RBM6: variants seen among roughly 807,000 people sequenced by gnomAD.
RBM6 encodes RNA-binding protein 6.
Under a neutral mutation model 140.4 loss-of-function variants are expected in RBM6, and 23 were observed. The ratio of observed to expected loss-of-function variants is 0.16; its 90% confidence interval spans 0.12 to 0.23. RBM6 has a LOEUF of 0.23. Ranked by LOEUF, RBM6 falls within the 10% of genes least tolerant of loss-of-function variation. The pLI is 1.00. For synonymous variants in RBM6, 439 were observed against 475.6 expected (o/e 0.92, Z 1.00); for missense variants, 1,139 against 1,386.7 (o/e 0.82, Z 2.84).
At chr3:49,973,853 T>C (rs2084919525) in intron 4 of RBM6, among the ~76,000 whole-genome samples, 1 of 151,750 alleles carries the variant, frequency 6.6e-6, no homozygotes, top group African/African-American at 2.4e-5. Context: ...CTCAAAGTGC[T>C]GAGATTACAC....
chr3:50,047,215 A>G (rs1200619570), intron 6 of RBM6: 7 of 985,012 alleles, frequency 7.1e-6, no homozygotes, highest in Admixed American at 6.2e-5. Flanking sequence ...CTGAGGTCCA[A>G]TTGCAAAGAA....
chr3:50,046,005 G>A (rs1316366315), intron 6 of RBM6, among the ~76,000 whole-genome samples: 2 of 152,034 alleles, frequency 1.3e-5, no homozygotes, highest in African/African-American at 2.4e-5. Context: ...ATCTTAGGCC[G>A]GACACAGTGG....
intron 6 of RBM6, among the ~76,000 whole-genome samples, chr3:50,011,839 C>CTTTTTTTTTT (rs201167549): frequency 2.8e-5 from 4 of 143,688 alleles, no homozygotes; most frequent in Non-Finnish European, 6.1e-5. Context: ...TCTTTTCTTT[C>CTTTTTTTTTT]TTTTTTTTTT....
At chr3:49,977,502 G>C (rs2085110984) in intron 5 of RBM6, among the ~76,000 whole-genome samples, 1 of 152,074 alleles carries the variant, frequency 6.6e-6, no homozygotes, top group Non-Finnish European at 1.5e-5. Flanking sequence ...GATTGAATCT[G>C]TCAGTGGTAT....
In RBM6 at chr3:50,057,964, T is replaced by C. The variant is rs761621526; in HGVS notation, c.1930T>C (p.Ser644Pro). 8 of 1,613,708 alleles carry C rather than the reference T, an allele frequency of 5.0e-6. No homozygotes were observed. The highest frequency in any genetic ancestry group is 1.3e-5 in the African/African-American group (1 of 74,832). The change falls in exon 9 of 21, where the codon TCA (serine) becomes CCA (proline). Residue 644 changes from serine (S) to proline (P), a missense_variant. Physicochemically the swap from Ser to Pro is moderately conservative, Grantham distance 74 (BLOSUM62 -1). Transcript: ENST00000266022. ...PTFRRDRERESWSGETRQDGE... is the reference protein window; with the variant it reads ...PTFRRDREREPWSGETRQDGE... ...TTTCCGAAGAGACCGAGAGAGGGAG[T>C]CATGGTCTGGAGAGACACGCCAGGA...
chr3:50,060,138 G>C (rs2089876930), intron 11 of RBM6, among the ~76,000 whole-genome samples: 1 of 152,030 alleles, frequency 6.6e-6, no homozygotes, highest in Admixed American at 6.6e-5. Flanking sequence ...TCTACCCTGG[G>C]CAACACAGCA....
Position 50,061,560 on chromosome 3 carries a change from CTTTTTTTTTTTT to C in RBM6, c.2439+26_2439+37del. ...CCCCAATACCCAGGTGAGTTTGGGG[CTTTTTTTTTTTT>C]TTTTTTTTTTTTACCTCTGTCAATG... is the stretch of plus-strand genomic sequence containing the variant. On this transcript the variant is annotated intron_variant, in intron 14 of 20. Transcript: ENST00000266022. 2 of 1,268,036 alleles carry C rather than the reference CTTTTTTTTTTTT, an allele frequency of 1.6e-6. No individual in the cohort carries two copies. Among genetic ancestry groups the C allele is most frequent in the Non-Finnish European group, 2.0e-6 (2 of 1,020,730 alleles). The allele number at this position is 1,268,036 out of a possible 1,614,324, so 78.5% of individuals were successfully genotyped here. A position where few individuals can be genotyped will look rare whatever the true frequency, so the allele number is the denominator to read the frequency against.
chr3:50,000,396 A>G (rs1243776802), intron 6 of RBM6, among the ~76,000 whole-genome samples: 1 of 145,110 alleles, frequency 6.9e-6, no homozygotes, highest in Non-Finnish European at 1.5e-5. Context: ...CAGTGTGAAT[A>G]CAGTGGGCCC....
chr3:50,044,301 A>C (rs1011342472), intron 6 of RBM6, among the ~76,000 whole-genome samples: 3 of 152,102 alleles, frequency 2.0e-5, no homozygotes, highest in African/African-American at 7.2e-5. Flanking sequence ...ATGTGTGAAG[A>C]TACTCTAATA....
Position 50,075,219 on chromosome 3 carries a change from T to C in RBM6, c.3135T>C (p.Asp1045=). ...RETDSDRKLV[D]KEDIDTSSKG... ...TTTGCAGTGATCGTAAACTTGTTGA[T>C]AAAGAAGATATCGACACTAGCAGCA... Residue 1045 remains aspartate, a synonymous_variant, in exon 20 of 21, where the codon GAT becomes GAC. Transcript: ENST00000266022. 1.9e-6 allele frequency: 3 copies of C among 1,613,296 alleles called. No homozygotes were observed. The highest frequency in any genetic ancestry group is 2.5e-6 in the Non-Finnish European group (3 of 1,179,938).
intron 1 of RBM6, among the ~76,000 whole-genome samples, chr3:49,952,481 A>C (rs2083779051): frequency 6.7e-6 from 1 of 149,670 alleles, no homozygotes; most frequent in Non-Finnish European, 1.5e-5. Flanking sequence ...ACTATATTTT[A>C]AATTAGGTTA....
chr3:50,051,368 G>A (rs1372313376), intron 7 of RBM6, among the ~76,000 whole-genome samples: 1 of 152,112 alleles, frequency 6.6e-6, no homozygotes, highest in Non-Finnish European at 1.5e-5. Context: ...TTAGCTGGGT[G>A]TGGTGGCTCA....
chr3:50,069,209 GA>G (rs1433563408), intron 18 of RBM6, among the ~76,000 whole-genome samples: 1 of 152,162 alleles, frequency 6.6e-6, no homozygotes, highest in East Asian at 1.9e-4. Context: ...CCTCTCTCAT[GA>G]TGGTTAAGAA....
chr3:49,968,283 C>G lies in RBM6; in HGVS notation c.858C>G (p.Pro286=). The G allele has an allele frequency of 6.2e-7, 1 of 1,613,962 alleles. No individual in the cohort carries two copies. Among genetic ancestry groups the G allele is most frequent in the Non-Finnish European group, 8.5e-7 (1 of 1,179,998 alleles). Reference sequence around the variant, plus strand: ...TGGAATTTAAAGATAGGGAGATGCCCCCTGTGGATCCAAATATTTTGGATT... The same window carrying G: ...TGGAATTTAAAGATAGGGAGATGCCGCCTGTGGATCCAAATATTTTGGATT... ...SCMEFKDREM[P]PVDPNILDYI... is the part of the protein sequence containing the mutation. The change falls in exon 3 of 21, where the codon CCC becomes CCG. Residue 286 remains proline (P), a synonymous_variant. Coordinates refer to ENST00000266022, the MANE Select transcript of RBM6 (RefSeq NM_005777.3).
chr3:50,076,506 G>A (rs1313666052), intron 20 of RBM6, among the ~76,000 whole-genome samples: 3 of 151,834 alleles, frequency 2.0e-5, no homozygotes, highest in African/African-American at 7.3e-5. Context: ...CGCTTGTACC[G>A]GGGAGGCAGA....
chr3:50,011,163 T>C (rs1319259454), intron 6 of RBM6, among the ~76,000 whole-genome samples: 1 of 151,632 alleles, frequency 6.6e-6, no homozygotes, highest in Non-Finnish European at 1.5e-5. Flanking sequence ...GGAATTCGAG[T>C]GAGCCATGAT....
At chr3:49,982,270 T>C (rs956695192) in intron 5 of RBM6, among the ~76,000 whole-genome samples, 24 of 136,320 alleles carry the variant, frequency 1.8e-4, no homozygotes, top group African/African-American at 5.5e-4. Context: ...TTCTTTTTTT[T>C]TTTTTTTTTT....
intron 6 of RBM6, among the ~76,000 whole-genome samples, chr3:50,021,295 G>T (rs903711582): frequency 2.6e-5 from 4 of 152,054 alleles, no homozygotes; most frequent in African/African-American, 9.7e-5. Context: ...TTGTACAAAT[G>T]GTTTTATAAC....
At chr3:49,998,904 T>G (rs1265373233) in intron 5 of RBM6, among the ~76,000 whole-genome samples, 18 of 152,148 alleles carry the variant, frequency 1.2e-4, no homozygotes, top group Admixed American at 1.2e-3. Context: ...ACCAGAAGCC[T>G]CCTGTGGTAT....
Sources: allele counts gnomAD v4.1 joint callset (sites outside exome capture counted in the v4.1 genomes callset), GRCh38; gene constraint gnomAD v4.1.1; transcripts MANE v1.5; gene names NCBI Gene and HGNC (gene_info 2026-07-23, HGNC 2026-07-21).